Variants in LRCH3 observed in about 807,000 individuals in gnomAD.
The protein encoded by LRCH3 is leucine rich repeats and calponin homology domain containing 3.
In LRCH3, 68 loss-of-function variants were observed where a neutral mutation model predicts 104.5. That is an observed-to-expected ratio of 0.65 (90% confidence interval 0.54 to 0.80). LRCH3 has a LOEUF of 0.80. Ranked by LOEUF, LRCH3 falls within the 30% of genes least tolerant of loss-of-function variation. The pLI is 0.00. For missense variants in LRCH3, 951 were observed against 953.9 expected, an observed-to-expected ratio of 1.00 and a Z score of 0.04; for synonymous variants, 344 against 361.3, an observed-to-expected ratio of 0.95 and a Z score of 0.54.
intron 17 of LRCH3, 56 bp from the exon 18 acceptor site, chr3:197,870,104 A>G: frequency 2.5e-6 from 4 of 1,576,774 alleles, no homozygotes; most frequent in Non-Finnish European, 3.5e-6. Flanking sequence ...GCAGAGCCGG[A>G]TGTTCTCCTA....
chr3:197,879,974 C>T (rs576117237), intron 20 of LRCH3, among the ~76,000 whole-genome samples: 7 of 148,538 alleles, frequency 4.7e-5, no homozygotes, highest in African/African-American at 7.5e-5. Context: ...GAGACGGAGT[C>T]TCGCTCTGTC....
chr3:197,878,245 C>T (rs571331243), intron 20 of LRCH3, among the ~76,000 whole-genome samples: 5 of 152,296 alleles, frequency 3.3e-5, no homozygotes, highest in South Asian at 2.1e-4. Context: ...GCGGGGCTTT[C>T]GGAAGCATCC....
At chr3:197,829,904 T>G (rs1373191352) in intron 6 of LRCH3, among the ~76,000 whole-genome samples, 2 of 152,232 alleles carry the variant, frequency 1.3e-5, no homozygotes, top group African/African-American at 4.8e-5. Flanking sequence ...TTCTTTGTTG[T>G]GATGGGCTGT....
intron 20 of LRCH3, among the ~76,000 whole-genome samples, chr3:197,877,453 GGC>G (rs1368625613): frequency 2.2e-4 from 11 of 50,824 alleles, no homozygotes; most frequent in South Asian, 1.9e-3. Flanking sequence ...CCGCACCCAT[GGC>G]AGTGATTCTC....
intron 14 of LRCH3, 32 bp from the exon 15 acceptor site, chr3:197,858,802 T>G (rs1299072152): frequency 7.0e-6 from 11 of 1,576,194 alleles, no homozygotes; most frequent in Non-Finnish European, 9.6e-6. Flanking sequence ...AATGCTGCCT[T>G]CTGTTTCTTC....
At position 197,826,927 on chromosome 3, in the gene LRCH3, T is replaced by G. The variant is rs1376993498; in HGVS notation, c.690T>G (p.Ile230Met). The G allele has an allele frequency of 6.2e-7, 1 of 1,614,092 alleles. No individual in the cohort carries two copies. The highest frequency in any genetic ancestry group is 8.5e-7 in the Non-Finnish European group (1 of 1,180,004). The stretch of plus-strand genomic sequence containing the variant: ...GGTTAGACTTCTCATGCAATAAAAT[T>G]ACCACAATCCCTGTTTGTTATCGGA... Reference protein sequence around the residue: ...LIRLDFSCNKITTIPVCYRNL... With the variant: ...LIRLDFSCNKMTTIPVCYRNL... Residue 230 changes from isoleucine to methionine, a missense_variant, in exon 5 of 21, where the codon ATT becomes ATG. Physicochemically the swap from Ile to Met is conservative, Grantham distance 10. Coordinates refer to ENST00000425562, the MANE Select transcript of LRCH3 (RefSeq NM_001365715.1).
rs144413451 is a variant in LRCH3 at position 197,867,483 on chromosome 3, G to A, written c.1873+1264G>A. On this transcript the variant is annotated intron_variant, in intron 17 of 20. Transcript: ENST00000425562. ...TGTAATCCTCGCACTTTGGGAGGCC[G>A]AGGTAGATGGGATCACTTGAGCTCA... 2.0e-3 allele frequency among the ~76,000 whole-genome samples: 300 copies of A among 152,150 alleles called. 1 individual carries two copies. Among genetic ancestry groups the A allele is most frequent in the African/African-American group, 7.0e-3 (289 of 41,542 alleles).
At chr3:197,802,186 A>G (rs1297467088) in intron 1 of LRCH3, among the ~76,000 whole-genome samples, 1 of 152,164 alleles carries the variant, frequency 6.6e-6, no homozygotes, top group Non-Finnish European at 1.5e-5. Context: ...TGATTAGTAG[A>G]CTTCATTACA....
intron 13 of LRCH3, among the ~76,000 whole-genome samples, 187 bp downstream of exon 13, chr3:197,852,807 C>CT (rs559477158): frequency 2.1e-3 from 317 of 152,146 alleles, no homozygotes; most frequent in African/African-American, 7.4e-3. Context: ...TAGATCAAGG[C>CT]TTTTTTCAGC....
rs1029872175 is a variant in LRCH3, at chr3:197,886,335, A to G, written c.*2669A>G. 6.6e-6 allele frequency: 1 copy of G among 152,152 alleles called. No homozygotes were observed. 9.4% of individuals were successfully genotyped at this position (152,152 alleles called of 1,614,324 possible). A position where few individuals can be genotyped will look rare whatever the true frequency, so the allele number is the denominator to read the frequency against. ...ACTCCAGCCTGGGCAACAGAGTGAGACCCCATCTCTAAAAATAAATTGTAC... is the reference window on the plus strand; with the variant it reads ...ACTCCAGCCTGGGCAACAGAGTGAGGCCCCATCTCTAAAAATAAATTGTAC... On this transcript the variant is annotated 3_prime_UTR_variant, in exon 21 of 21. Transcript: ENST00000425562.
chr3:197,844,835 G>A (rs1449620064), intron 10 of LRCH3, among the ~76,000 whole-genome samples: 2 of 151,466 alleles, frequency 1.3e-5, no homozygotes, highest in South Asian at 2.1e-4. Flanking sequence ...TGACCAGGAT[G>A]GCCTCTTATC....
intron 1 of LRCH3, among the ~76,000 whole-genome samples, chr3:197,791,987 G>GT (rs1486041828): frequency 6.6e-6 from 1 of 152,078 alleles, no homozygotes; most frequent in Non-Finnish European, 1.5e-5. Context: ...CAGCCCTGGA[G>GT]TTTTTTCGAA....
chr3:197,828,250 ATACAG>A (rs879517933), intron 5 of LRCH3, among the ~76,000 whole-genome samples: 2 of 152,184 alleles, frequency 1.3e-5, no homozygotes, highest in Admixed American at 6.5e-5. Context: ...AAGTGAAGCT[ATACAG>A]TAATAATTAT....
chr3:197,848,734 G>C (rs943538347), intron 12 of LRCH3, among the ~76,000 whole-genome samples: 41 of 152,206 alleles, frequency 2.7e-4, no homozygotes, highest in South Asian at 4.1e-4. Flanking sequence ...TGGTCAATAA[G>C]TATTTGTTGA....
In LRCH3 at chr3:197,880,919, A is replaced by C. The variant is rs150852626; in HGVS notation, c.2209-2622A>C. ...ACATTTACGATTGCTAACAAAGAGT[A>C]AAAGACCAGCATTTTTTCTCCTGGT... On this transcript the variant is annotated intron_variant, in intron 20 of 20. Coordinates refer to ENST00000425562, the MANE Select transcript of LRCH3 (RefSeq NM_001365715.1). 11,534 of 1,417,570 alleles carry C rather than the reference A, an allele frequency of 8.1e-3. 84 individuals are homozygous for C. The highest frequency in any genetic ancestry group is 0.02 in the East Asian group (783 of 39,022). 87.8% of individuals were successfully genotyped at this position (1,417,570 alleles called of 1,614,324 possible). A position where few individuals can be genotyped will look rare whatever the true frequency, so the allele number is the denominator to read the frequency against.
intron 1 of LRCH3, among the ~76,000 whole-genome samples, chr3:197,807,970 T>C (rs115173678): frequency 0.02 from 3,121 of 152,318 alleles, 65 homozygotes; most frequent in Non-Finnish European, 0.029. Flanking sequence ...TCCAATATAA[T>C]TTGGAAAACT....
In LRCH3 at chr3:197,871,371, C is replaced by A; in HGVS notation, c.2039C>A (p.Ala680Glu). 6.2e-7 allele frequency: 1 copy of A among 1,614,014 alleles called. No individual in the cohort carries two copies. Among genetic ancestry groups the A allele is most frequent in the Non-Finnish European group, 8.5e-7 (1 of 1,179,958 alleles). ...LKVSLPCDLG[A>E]ALTDGVVLCH... ...GTGTCTCTACCTTGTGATCTCGGAGCAGCTCTAACTGACGGTGTTGTTCTT... is the reference window on the plus strand; with the variant it reads ...GTGTCTCTACCTTGTGATCTCGGAGAAGCTCTAACTGACGGTGTTGTTCTT... Residue 680 changes from alanine to glutamate, a missense_variant, in exon 19 of 21, where the codon GCA (alanine) becomes GAA (glutamate). By Grantham distance (107) the Ala-to-Glu change is moderately radical. Coordinates refer to ENST00000425562, the MANE Select transcript of LRCH3 (RefSeq NM_001365715.1).
rs982614052 is a variant in LRCH3 at position 197,862,225 on chromosome 3, A to G, written c.1717-3198A>G. On this transcript the variant is annotated intron_variant, in intron 15 of 20. Transcript: ENST00000425562. ...TGGCCAGGCTGGTTTCAAACTCCTG[A>G]CCTCAGGCAATCTGCCCACCTCTGC... Among the ~76,000 whole-genome samples the G allele has an allele frequency of 2.6e-5, 4 of 152,078 alleles. No homozygotes were observed. The East Asian group carries it at 7.7e-4, about 29-fold the overall frequency.
Position 197,826,987 on chromosome 3 carries a change from C to T in LRCH3, c.750C>T (p.Asn250=), listed in dbSNP as rs747816043. 9.3e-6 allele frequency: 15 copies of T among 1,613,852 alleles called. No individual in the cohort carries two copies. Among genetic ancestry groups the T allele is most frequent in the Non-Finnish European group, 1.1e-5 (13 of 1,179,992 alleles). ...LRHLQTITLD[N]NPLQSPPAQI... is the part of the protein sequence containing the mutation. ...ACCTACAGACGATCACCCTAGATAA[C>T]AATCCACTACAATCACCTCCTGCAC... The change falls in exon 5 of 21, where the codon AAC becomes AAT. Residue 250 remains asparagine, a synonymous_variant. Coordinates refer to ENST00000425562, the MANE Select transcript of LRCH3 (RefSeq NM_001365715.1).
Sources: allele counts gnomAD v4.1 joint callset (sites outside exome capture counted in the v4.1 genomes callset), GRCh38; gene constraint gnomAD v4.1.1; transcripts MANE v1.5; gene names NCBI Gene and HGNC (gene_info 2026-07-23, HGNC 2026-07-21).